The following SAXO4 variants were observed in gnomAD, a reference collection of about 807,000 sequenced individuals.
SAXO4 encodes the protein protein phosphatase 1 regulatory subunit 32.
chr11:61,488,690 C>T, the SAXO4 span, among the ~76,000 whole-genome samples: 1 of 152,200 alleles, frequency 6.6e-6, no homozygotes, highest in Non-Finnish European at 1.5e-5. Context: ...TCTCTGTCTC[C>T]TCCCCCTGCC....
the SAXO4 span, chr11:61,484,930 T>G: frequency 7.4e-7 from 1 of 1,346,840 alleles, no homozygotes. Flanking sequence ...CAGCTCAGGG[T>G]GGGCTCAGGG....
chr11:61,483,818 C>T, the SAXO4 span, among the ~76,000 whole-genome samples: 7 of 152,076 alleles, frequency 4.6e-5, no homozygotes, highest in East Asian at 1.2e-3. Context: ...ACTAGCTGGG[C>T]ATGGTGGCAC....
chr11:61,490,623 T>C, the SAXO4 span: 6 of 1,552,482 alleles, frequency 3.9e-6, no homozygotes, highest in Non-Finnish European at 5.3e-6. Context: ...CTGCTCTGGT[T>C]GTGTGGGCAA....
At chr11:61,482,306 G>C in the SAXO4 span, 1 of 1,613,632 alleles carries the variant, frequency 6.2e-7, no homozygotes, top group Non-Finnish European at 8.5e-7. Context: ...TTACCCCTCT[G>C]GCAGGTCGGG....
At chr11:61,487,289 C>T in the SAXO4 span, 1 of 1,473,306 alleles carries the variant, frequency 6.8e-7, no homozygotes, top group Non-Finnish European at 9.5e-7. Flanking sequence ...GAGAAACAGA[C>T]TGAGACTGGG....
the SAXO4 span, chr11:61,486,759 C>A: frequency 2.3e-6 from 2 of 885,600 alleles, no homozygotes; most frequent in Non-Finnish European, 3.6e-6. Flanking sequence ...GTGAAGAGAG[C>A]CTGGGCCTTC....
At chr11:61,487,099 C>G in the SAXO4 span, 9 of 1,612,418 alleles carry the variant, frequency 5.6e-6, no homozygotes, top group Admixed American at 1.5e-4. Flanking sequence ...CCCCAAATCC[C>G]CACCCCTTCT....
At chr11:61,484,394 G>A in the SAXO4 span, among the ~76,000 whole-genome samples, 1 of 152,176 alleles carries the variant, frequency 6.6e-6, no homozygotes, top group Non-Finnish European at 1.5e-5. Flanking sequence ...AGTGGTCCAG[G>A]CAGTGCCAAC....
chr11:61,485,215 G>A, the SAXO4 span: 1 of 780,062 alleles, frequency 1.3e-6, no homozygotes, highest in East Asian at 2.6e-5. Context: ...TGTCCAGGGT[G>A]CTGTACTGGC....
the SAXO4 span, chr11:61,485,410 T>C: frequency 1.2e-6 from 2 of 1,611,684 alleles, no homozygotes; most frequent in South Asian, 1.1e-5. Flanking sequence ...AGGTAGGCCC[T>C]GTCTGAACTC....
At chr11:61,490,197 G>A in the SAXO4 span, among the ~76,000 whole-genome samples, 1 of 152,192 alleles carries the variant, frequency 6.6e-6, no homozygotes, top group Non-Finnish European at 1.5e-5. Context: ...TGGACTGGAT[G>A]GGGAGGATCT....
chr11:61,490,551 G>T, the SAXO4 span: 3 of 1,614,054 alleles, frequency 1.9e-6, no homozygotes, highest in Non-Finnish European at 2.5e-6. Context: ...CACAGCAGCC[G>T]CTGCGTGGCA....
chr11:61,490,109 C>A, the SAXO4 span, among the ~76,000 whole-genome samples: 1 of 152,010 alleles, frequency 6.6e-6, no homozygotes, highest in African/African-American at 2.4e-5. Flanking sequence ...AGCACAGGCT[C>A]CTCCCCTCCT....
the SAXO4 span, chr11:61,490,409 C>A: frequency 8.5e-7 from 1 of 1,182,644 alleles, no homozygotes; most frequent in Non-Finnish European, 1.3e-6. Flanking sequence ...CCTGGCTATG[C>A]TCTCTCAGGG....
At chr11:61,488,495 A>G in the SAXO4 span, among the ~76,000 whole-genome samples, 10 of 151,930 alleles carry the variant, frequency 6.6e-5, 1 homozygote, top group East Asian at 1.7e-3. Flanking sequence ...TAGTAGAGAC[A>G]GGGTTTCACT....
the SAXO4 span, chr11:61,489,519 A>C: frequency 3.1e-5 from 18 of 579,090 alleles, no homozygotes; most frequent in African/African-American, 3.0e-4. Context: ...CCCCACCCCA[A>C]GGTACTGGCA....
the SAXO4 span, chr11:61,485,767 G>C: frequency 1.3e-6 from 2 of 1,553,560 alleles, no homozygotes; most frequent in Non-Finnish European, 1.8e-6. Flanking sequence ...GGGCCAGGTG[G>C]CCTGGCAGCA....
At chr11:61,490,380 T>G in the SAXO4 span, 2 of 863,378 alleles carry the variant, frequency 2.3e-6, no homozygotes, top group Admixed American at 1.9e-5. Context: ...TGTTTGTGGC[T>G]TGGCTGCCCT....
the SAXO4 span, chr11:61,486,557 T>C: frequency 6.2e-7 from 1 of 1,614,016 alleles, no homozygotes; most frequent in African/African-American, 1.3e-5. Context: ...GGCCAGAGGC[T>C]CCAAGCGGGA....
Sources: allele counts gnomAD v4.1 joint callset (sites outside exome capture counted in the v4.1 genomes callset), GRCh38; gene constraint gnomAD v4.1.1; transcripts MANE v1.5; gene names NCBI Gene and HGNC (gene_info 2026-07-23, HGNC 2026-07-21).